Variants in C18orf63 observed in about 807,000 individuals in gnomAD.
C18orf63 encodes the protein uncharacterized protein C18orf63.
In C18orf63, 50 loss-of-function variants were observed where a neutral mutation model predicts 75.3. That is an observed-to-expected ratio of 0.66 (90% confidence interval 0.53 to 0.84). The LOEUF is 0.84. Among genes scored for constraint, C18orf63 ranks in the 40% least tolerant of loss-of-function variants. The pLI, the probability that C18orf63 is intolerant of heterozygous loss-of-function variation, is 0.00. For missense variants in C18orf63, 732 were observed against 800.2 expected (o/e 0.91, Z 1.03); for synonymous variants, 232 against 267.6 (o/e 0.87, Z 1.30).
chr18:74,327,349 T>C (rs1984225834), intron 4 of C18orf63, among the ~76,000 whole-genome samples: 1 of 152,166 alleles, frequency 6.6e-6, no homozygotes, highest in African/African-American at 2.4e-5. Flanking sequence ...TTAAAAGAAG[T>C]TAATCACTTA....
Position 74,342,263 on chromosome 18 carries a change from A to G in C18orf63, c.731A>G (p.Asp244Gly), listed in dbSNP as rs1281388327. 2 of 1,532,364 alleles carry G rather than the reference A, an allele frequency of 1.3e-6. No individual in the cohort carries two copies. Among genetic ancestry groups the G allele is most frequent in the African/African-American group, 2.7e-5 (2 of 72,956 alleles). 94.9% of individuals were successfully genotyped at this position (1,532,364 alleles called of 1,614,324 possible). The change falls in exon 10 of 14, where the codon GAT becomes GGT. Residue 244 changes from aspartate (D) to glycine (G), a missense_variant. Transcript: ENST00000579455. ...TAGTATGGCTATAAACTTCCAGGTGATTGTGGAAAAATTAAAATATACTGC... is the reference window on the plus strand; with the variant it reads ...TAGTATGGCTATAAACTTCCAGGTGGTTGTGGAAAAATTAAAATATACTGC... ...DALYGYKLPG[D>G]CGKIKIYCNI...
intron 11 of C18orf63, among the ~76,000 whole-genome samples, chr18:74,348,433 G>T (rs1479456584): frequency 6.6e-6 from 1 of 152,182 alleles, no homozygotes; most frequent in Non-Finnish European, 1.5e-5. Flanking sequence ...ACCAAATTTT[G>T]ATCGATAAAA....
intron 1 of C18orf63, among the ~76,000 whole-genome samples, chr18:74,317,068 C>G (rs529667458): frequency 6.6e-6 from 1 of 152,204 alleles, no homozygotes; most frequent in Non-Finnish European, 1.5e-5. Context: ...GATCAGAAGG[C>G]TGGTCACACT....
rs1984706577 is a variant in C18orf63 at position 74,353,545 on chromosome 18, C to T, written c.1278C>T (p.Ser426=). ...CTCAAGTTCAGCACACAAATCTTAG[C>T]TCCCAAAGCAACATCACCCCTAAGT... ...GNTQVQHTNL[S]SQSNITPKFV... is the part of the protein sequence containing the mutation. Residue 426 remains serine (S), a synonymous_variant, in exon 12 of 14, where the codon AGC becomes AGT. Transcript: ENST00000579455. 6.5e-7 allele frequency: 1 copy of T among 1,536,582 alleles called. No homozygotes were observed. Among genetic ancestry groups the T allele is most frequent in the Admixed American group, 2.0e-5 (1 of 51,010 alleles).
Position 74,317,972 on chromosome 18 carries a change from T to A in C18orf63, c.107T>A (p.Ile36Asn), listed in dbSNP as rs770517787. The change falls in exon 2 of 14, where the codon ATT becomes AAT. Residue 36 changes from isoleucine (I) to asparagine (N), a missense_variant. Coordinates refer to ENST00000579455, the MANE Select transcript of C18orf63 (RefSeq NM_001174123.2). ...AGTAATAAGGTGGCAGATACTGAGATTAGGACTATACAAATGAAGATGTGC... is the reference window on the plus strand; with the variant it reads ...AGTAATAAGGTGGCAGATACTGAGAATAGGACTATACAAATGAAGATGTGC... ...ILSNKVADTEIRTIQMKMCRQ... is the reference protein window; with the variant it reads ...ILSNKVADTENRTIQMKMCRQ... 1.7e-5 allele frequency: 26 copies of A among 1,528,518 alleles called. No homozygotes were observed. Among genetic ancestry groups the A allele is most frequent in the Non-Finnish European group, 2.3e-5 (26 of 1,142,742 alleles). The allele number at this position is 1,528,518 out of a possible 1,614,324, so 94.7% of individuals were successfully genotyped here.
At chr18:74,330,760 T>C (rs1269950801) in intron 6 of C18orf63, 106 bp from the exon 7 acceptor site, 2 of 488,686 alleles carry the variant, frequency 4.1e-6, no homozygotes, top group East Asian at 7.1e-5. Flanking sequence ...AAAAATCTGT[T>C]CTTGTTTTTG....
chr18:74,325,228 G>A (rs1833443), intron 4 of C18orf63, among the ~76,000 whole-genome samples: 1,870 of 152,114 alleles, frequency 0.012, 28 homozygotes, highest in African/African-American at 0.042. Context: ...ATCACGTTTT[G>A]TTTTGATTTT....
At chr18:74,316,156 G>C (rs1365991945) in intron 1 of C18orf63, 47 bp downstream of exon 1, 2 of 152,310 alleles carry the variant, frequency 1.3e-5, no homozygotes, top group Non-Finnish European at 2.9e-5. Context: ...CGGAGGAGCA[G>C]GTCAGGGCCG....
intron 4 of C18orf63, among the ~76,000 whole-genome samples, chr18:74,327,668 T>C (rs1984231901): frequency 6.6e-6 from 1 of 152,234 alleles, no homozygotes; most frequent in African/African-American, 2.4e-5. Flanking sequence ...TCAAGGGTTT[T>C]AGCACAGAAC....
chr18:74,324,658 A>G (rs1001067122), intron 4 of C18orf63, among the ~76,000 whole-genome samples: 4 of 152,222 alleles, frequency 2.6e-5, no homozygotes, highest in African/African-American at 9.6e-5. Flanking sequence ...AAAATGAAAA[A>G]TTAAGAAAAT....
At chr18:74,355,436 A>G (rs7228676) in intron 13 of C18orf63, among the ~76,000 whole-genome samples, 79,020 of 151,552 alleles carry the variant, frequency 0.52, 21,077 homozygotes, top group Middle Eastern at 0.59. Context: ...TTGTTTTAGA[A>G]ATATAGCACT....
At chr18:74,325,348 T>C (rs1984190717) in intron 4 of C18orf63, among the ~76,000 whole-genome samples, 1 of 152,218 alleles carries the variant, frequency 6.6e-6, no homozygotes, top group Non-Finnish European at 1.5e-5. Context: ...TCCAGGGATC[T>C]TTTTGCTGTT....
chr18:74,338,633 G>A (rs544616349), intron 7 of C18orf63, 82 bp from the exon 8 acceptor site: 1 of 515,690 alleles, frequency 1.9e-6, no homozygotes, highest in Non-Finnish European at 3.2e-6. Flanking sequence ...TACTGTGTGT[G>A]TGTAACAAAT....
At chr18:74,344,214 T>A (rs1984534547) in intron 11 of C18orf63, among the ~76,000 whole-genome samples, 1 of 152,130 alleles carries the variant, frequency 6.6e-6, no homozygotes, top group Admixed American at 6.6e-5. Flanking sequence ...AATGGACAAG[T>A]TAAAGATGAA....
At chr18:74,318,183 A>G (rs1984058705) in intron 2 of C18orf63, among the ~76,000 whole-genome samples, 184 bp downstream of exon 2, 1 of 152,206 alleles carries the variant, frequency 6.6e-6, no homozygotes, top group Non-Finnish European at 1.5e-5. Context: ...GGGATTTAAA[A>G]TACTTGCAAT....
At position 74,358,710 on chromosome 18, in the gene C18orf63, C is replaced by T. The variant is rs1487079826; in HGVS notation, c.*2263C>T. On this transcript the variant is annotated 3_prime_UTR_variant, in exon 14 of 14. Coordinates refer to ENST00000579455, the MANE Select transcript of C18orf63 (RefSeq NM_001174123.2). ...AAATAATTTTATGTTTGCCTATGTC[C>T]AGGAGCTGAAGAAATCAGCGATTAC... 2.0e-5 allele frequency: 3 copies of T among 151,964 alleles called. No individual in the cohort carries two copies. The highest frequency in any genetic ancestry group is 7.3e-5 in the African/African-American group (3 of 41,366). 9.4% of individuals were successfully genotyped at this position (151,964 alleles called of 1,614,324 possible). A position where few individuals can be genotyped will look rare whatever the true frequency, so the allele number is the denominator to read the frequency against.
At chr18:74,325,541 A>G (rs1324853841) in intron 4 of C18orf63, among the ~76,000 whole-genome samples, 1 of 152,192 alleles carries the variant, frequency 6.6e-6, no homozygotes, top group Admixed American at 6.5e-5. Flanking sequence ...ATTGGGTCAC[A>G]TTGGTTGATA....
At chr18:74,332,442 C>T (rs1477291509) in intron 7 of C18orf63, among the ~76,000 whole-genome samples, 1 of 152,160 alleles carries the variant, frequency 6.6e-6, no homozygotes, top group African/African-American at 2.4e-5. Flanking sequence ...CGGTGGCTCA[C>T]ACCTGTAATC....
chr18:74,330,829 A>T, intron 6 of C18orf63, 37 bp from the exon 7 acceptor site: 1 of 773,678 alleles, frequency 1.3e-6, no homozygotes, highest in Non-Finnish European at 2.0e-6. Flanking sequence ...TAGAGTAATA[A>T]TTCCAGGTAG....
Sources: allele counts gnomAD v4.1 joint callset (sites outside exome capture counted in the v4.1 genomes callset), GRCh38; gene constraint gnomAD v4.1.1; transcripts MANE v1.5; gene names NCBI Gene and HGNC (gene_info 2026-07-23, HGNC 2026-07-21).